Variants in NDEL1 observed in about 807,000 individuals in gnomAD.
The protein encoded by NDEL1 is nuclear distribution protein nudE-like 1.
NDEL1 carries 9 observed loss-of-function variants against 45.7 expected under a neutral mutation model. The ratio of observed to expected loss-of-function variants is 0.20; its 90% confidence interval spans 0.12 to 0.34. The LOEUF (loss-of-function observed/expected upper bound fraction) is 0.34. Among genes scored for constraint, NDEL1 ranks in the 10% least tolerant of loss-of-function variants. NDEL1 has a pLI of 1.00. For synonymous variants in NDEL1, 133 were observed against 158.6 expected, an observed-to-expected ratio of 0.84 and a Z score of 1.21; for missense variants, 306 against 406.2, an observed-to-expected ratio of 0.75 and a Z score of 2.12.
chr17:8,464,493 G>C (rs964270535), intron 8 of NDEL1: 1 of 152,142 alleles, frequency 6.6e-6, no homozygotes, highest in African/African-American at 2.4e-5. Flanking sequence ...TTCTCTCTCT[G>C]TTCTTTAACT....
At position 8,444,458 on chromosome 17, in the gene NDEL1, G is replaced by T. The variant is rs1031300983; in HGVS notation, c.86+101G>T. The T allele has an allele frequency of 4.0e-6, 3 of 754,442 alleles. No individual in the cohort carries two copies. The East Asian group carries it at 7.8e-5, about 20-fold the overall frequency. 46.7% of individuals were successfully genotyped at this position (754,442 alleles called of 1,614,324 possible). On this transcript the variant is annotated intron_variant, in intron 2 of 8. Coordinates refer to ENST00000334527, the MANE Select transcript of NDEL1 (RefSeq NM_030808.5). The stretch of plus-strand genomic sequence containing the variant: ...TTAACATAAAGCTAAATTTAGAATT[G>T]CAGATTTAGGATTCTAGGATTGAGA...
chr17:8,436,921 A>G (rs74962116), intron 1 of NDEL1, among the ~76,000 whole-genome samples: 2,299 of 152,286 alleles, frequency 0.015, 29 homozygotes, highest in Non-Finnish European at 0.025. Flanking sequence ...TTACATTTCT[A>G]GGCTCGGAGT....
chr17:8,449,132 G>T (rs1351075989), intron 5 of NDEL1, among the ~76,000 whole-genome samples: 2 of 152,094 alleles, frequency 1.3e-5, no homozygotes, highest in East Asian at 1.9e-4. Flanking sequence ...ACAGGCGCCC[G>T]CCACCACACC....
chr17:8,469,249 T>TG (rs1309139798), downstream of NDEL1, among the ~76,000 whole-genome samples: 13 of 152,202 alleles, frequency 8.5e-5, no homozygotes, highest in South Asian at 2.7e-3. Flanking sequence ...CAGCCCTCAT[T>TG]GGAAGGATTG....
At position 8,466,760 on chromosome 17, in the gene NDEL1, C is replaced by T; in HGVS notation, c.945-170C>T. The T allele has an allele frequency of 4.7e-6, 3 of 637,474 alleles. No individual in the cohort carries two copies. The East Asian group carries it at 8.5e-5, about 18-fold the overall frequency. 39.5% of individuals were successfully genotyped at this position (637,474 alleles called of 1,614,324 possible). A position where few individuals can be genotyped will look rare whatever the true frequency, so the allele number is the denominator to read the frequency against. On this transcript the variant is annotated intron_variant, in intron 8 of 8. Coordinates refer to ENST00000334527, the MANE Select transcript of NDEL1 (RefSeq NM_030808.5). Reference sequence around the variant, plus strand: ...CCAGGATTCCCAAAGGCTCAATTCTCTAACCAGCTGGTGCTTTCCAGGCAG... The same window carrying T: ...CCAGGATTCCCAAAGGCTCAATTCTTTAACCAGCTGGTGCTTTCCAGGCAG...
At chr17:8,428,890 G>C (rs569572342) in intron 1 of NDEL1, among the ~76,000 whole-genome samples, 7 of 151,622 alleles carry the variant, frequency 4.6e-5, no homozygotes, top group Middle Eastern at 3.4e-3. Flanking sequence ...AGCCAAGATG[G>C]TCTCGATCTC....
intron 3 of NDEL1, among the ~76,000 whole-genome samples, chr17:8,474,032 G>GC (rs1912089090): frequency 6.6e-6 from 1 of 152,200 alleles, no homozygotes; most frequent in African/African-American, 2.4e-5. Context: ...TGAGGCACTG[G>GC]CAGGAACAAG....
chr17:8,435,582 T>C (rs189313616), upstream of NDEL1, among the ~76,000 whole-genome samples: 3 of 152,338 alleles, frequency 2.0e-5, no homozygotes, highest in Admixed American at 6.5e-5. Context: ...ACATGGACAC[T>C]TGAAGGGCCT....
chr17:8,454,336 G>T (rs764314133), intron 6 of NDEL1, among the ~76,000 whole-genome samples: 2 of 151,240 alleles, frequency 1.3e-5, no homozygotes, highest in Non-Finnish European at 2.9e-5. Flanking sequence ...CAAATGACTA[G>T]TTACTATGGA....
chr17:8,456,477 T>A (rs1910851129), intron 7 of NDEL1, among the ~76,000 whole-genome samples: 1 of 149,874 alleles, frequency 6.7e-6, no homozygotes, highest in South Asian at 2.1e-4. Flanking sequence ...TGTTTCTGAA[T>A]GTATTAGGTT....
Position 8,466,982 on chromosome 17 carries a change from C to CGTCCA in NDEL1, c.998_1002dup (p.Ser335ValfsTer85). On this transcript the variant is annotated frameshift_variant, in exon 9 of 9. Coordinates refer to ENST00000334527, the MANE Select transcript of NDEL1 (RefSeq NM_030808.5). LOFTEE classifies it high-confidence loss of function. ...TCCTCCTCCTGGTCTGGGCTCCTCG[C>CGTCCA]GTCCATCGTCAGCGCCGGGTATGCT... The CGTCCA allele has an allele frequency of 6.2e-7, 1 of 1,614,214 alleles. No individual in the cohort carries two copies. The highest frequency in any genetic ancestry group is 8.5e-7 in the Non-Finnish European group (1 of 1,180,042).
intron 7 of NDEL1, among the ~76,000 whole-genome samples, chr17:8,459,616 GT>G (rs545094002): frequency 6.6e-6 from 1 of 152,126 alleles, no homozygotes. Context: ...ATATTTTTGG[GT>G]TTTTTAATAG....
chr17:8,441,441 C>G (rs1049711395), intron 1 of NDEL1, among the ~76,000 whole-genome samples: 2 of 152,180 alleles, frequency 1.3e-5, no homozygotes, highest in African/African-American at 4.8e-5. Context: ...AGACCAAAAA[C>G]AGGAAGTTCA....
At position 8,413,444 on chromosome 17, in the gene NDEL1, G is replaced by A. The variant is rs560344992; in HGVS notation, c.-13+175G>A. Among the ~76,000 whole-genome samples the A allele has an allele frequency of 1.5e-3, 235 of 152,334 alleles. 1 individual carries two copies. Among genetic ancestry groups the A allele is most frequent in the Middle Eastern group, 6.8e-3 (2 of 294 alleles). ...GTTGGTTATGTCCCTGTGGCATGAG[G>A]GTTGGGTGACATAAAGAGACGGCTT... On this transcript the variant is annotated intron_variant, in intron 1 of 4. Coordinates refer to the NDEL1 transcript ENST00000582812.
At chr17:8,424,668 AT>A (rs893242300) in intron 1 of NDEL1, among the ~76,000 whole-genome samples, 36 of 151,472 alleles carry the variant, frequency 2.4e-4, no homozygotes, top group Middle Eastern at 3.4e-3. Flanking sequence ...TGCCTGGCTA[AT>A]TTTTTTTTGT....
intron 7 of NDEL1, among the ~76,000 whole-genome samples, chr17:8,456,821 C>T (rs541553330): frequency 1.3e-5 from 2 of 152,222 alleles, no homozygotes; most frequent in East Asian, 1.9e-4. Context: ...TATCTTAACT[C>T]GCTGTTCTCT....
At position 8,444,661 on chromosome 17, in the gene NDEL1, A is replaced by G. The variant is rs1909966446; in HGVS notation, c.86+304A>G. The G allele has an allele frequency of 1.3e-5, 3 of 228,352 alleles. No homozygotes were observed. In the South Asian group the frequency reaches 1.9e-4, roughly 14 times the overall value. The allele number at this position is 228,352 out of a possible 1,614,324, so 14.1% of individuals were successfully genotyped here. On this transcript the variant is annotated intron_variant, in intron 2 of 8. Transcript: ENST00000334527. The stretch of plus-strand genomic sequence containing the variant: ...TCTTTGGCCCGTTTTGCATGCACTG[A>G]TTCTGCCTCATCATTTTGGTCATTT...
chr17:8,432,326 TA>T (rs1357805262), upstream of NDEL1, among the ~76,000 whole-genome samples: 33 of 113,548 alleles, frequency 2.9e-4, no homozygotes, highest in South Asian at 8.9e-4. Flanking sequence ...TATTTATATA[TA>T]AATATATATA....
At chr17:8,425,413 C>T (rs1386945214) in intron 1 of NDEL1, among the ~76,000 whole-genome samples, 2 of 152,124 alleles carry the variant, frequency 1.3e-5, no homozygotes, top group African/African-American at 4.8e-5. Context: ...GAAACCCCAT[C>T]TCTACAAAAA....
Sources: allele counts gnomAD v4.1 joint callset (sites outside exome capture counted in the v4.1 genomes callset), GRCh38; gene constraint gnomAD v4.1.1; transcripts MANE v1.5; gene names NCBI Gene and HGNC (gene_info 2026-07-23, HGNC 2026-07-21).